The following BRD4 variants were observed in gnomAD, a reference collection of about 807,000 sequenced individuals.
The protein encoded by BRD4 is bromodomain containing 4, also known as bromodomain-containing protein 4.
Under a neutral mutation model 142.1 loss-of-function variants are expected in BRD4, and 16 were observed. The ratio of observed to expected loss-of-function variants is 0.11; its 90% confidence interval spans 0.08 to 0.17. The LOEUF (loss-of-function observed/expected upper bound fraction) is 0.17, where lower values mean the gene tolerates loss of function less well. Among genes scored for constraint, BRD4 ranks in the 10% least tolerant of loss-of-function variants. The probability of loss-of-function intolerance (pLI) is 1.00; values close to 1 mark genes in which losing one functional copy is unlikely to be tolerated. For missense variants in BRD4, 1,424 were observed against 1,810.9 expected (o/e 0.79, Z 3.88); for synonymous variants, 833 against 707.5 (o/e 1.18, Z -2.82).
In BRD4 at chr19:15,239,281, T is replaced by A; in HGVS notation, c.3577-17A>T. ...TTTCAGGTCCTGCAGAACAGAGAGG[T>A]TGGGGTGGGTGAGGGGTCTGCTGTG... is the stretch of plus-strand genomic sequence containing the variant. On this transcript the variant is annotated splice_polypyrimidine_tract_variant and intron_variant, in intron 17 of 19. Transcript: ENST00000679869. The surrounding 1 kb of genome is among the most constrained non-coding windows in gnomAD (Gnocchi z 7.4). 6.2e-7 allele frequency: 1 copy of A among 1,612,862 alleles called. No individual in the cohort carries two copies. Among genetic ancestry groups the A allele is most frequent in the Non-Finnish European group, 8.5e-7 (1 of 1,179,380 alleles).
intron 1 of BRD4, among the ~76,000 whole-genome samples, chr19:15,281,423 G>A (rs2047703570): frequency 1.3e-5 from 2 of 152,204 alleles, no homozygotes; most frequent in African/African-American, 4.8e-5. Flanking sequence ...TTGCAGTCAG[G>A]AGGCCAGGAA....
chr19:15,323,178 TAAAAAAAAAAAAAA>T (rs1017018376), intron 1 of BRD4, among the ~76,000 whole-genome samples: 3 of 73,050 alleles, frequency 4.1e-5, no homozygotes, highest in African/African-American at 6.1e-5. Flanking sequence ...TCCATCTCTT[TAAAAAAAAAAAAAA>T]AAAAAAAAAA....
In BRD4 at chr19:15,239,807, G is replaced by A. The variant is rs2145502373; in HGVS notation, c.3297C>T (p.Ala1099=). 1 of 1,613,614 alleles carries A rather than the reference G, an allele frequency of 6.2e-7. No homozygotes were observed. The highest frequency in any genetic ancestry group is 8.5e-7 in the Non-Finnish European group (1 of 1,179,940). ...VQPKKQELRA[A]SVVQPQPLVV... is the part of the protein sequence containing the mutation. ...CGAGGGGCTGGGGCTGGACCACGGA[G>A]GCAGCACGCAGCTCCTGGGATGGCA... Residue 1099 remains alanine, a synonymous_variant, in exon 16 of 20, where the codon GCC becomes GCT. Transcript: ENST00000679869. The surrounding 1 kb of genome is among the most constrained non-coding windows in gnomAD (Gnocchi z 7.4).
At chr19:15,281,001 C>T (rs1038715163) in intron 1 of BRD4, among the ~76,000 whole-genome samples, 1 of 152,262 alleles carries the variant, frequency 6.6e-6, no homozygotes, top group African/African-American at 2.4e-5. Context: ...AGAGTGGCAT[C>T]TACTTCAAAT....
chr19:15,323,973 GAT>G (rs1191351962), intron 1 of BRD4, among the ~76,000 whole-genome samples: 1 of 152,202 alleles, frequency 6.6e-6, no homozygotes, highest in East Asian at 1.9e-4. Context: ...CAGGCACACT[GAT>G]CCCATTTTAC....
At chr19:15,281,288 C>T (rs370359671) in intron 1 of BRD4, among the ~76,000 whole-genome samples, 1 of 152,206 alleles carries the variant, frequency 6.6e-6, no homozygotes, top group Non-Finnish European at 1.5e-5. Context: ...TACCCCAGAC[C>T]CTGCAACTTG....
intron 1 of BRD4, among the ~76,000 whole-genome samples, chr19:15,297,698 C>T (rs1273770583): frequency 1.3e-5 from 2 of 152,202 alleles, no homozygotes; most frequent in Non-Finnish European, 2.9e-5. Flanking sequence ...GATGCCCCAC[C>T]TGCTGGCAAA....
chr19:15,310,372 CCCCCCCCCG>C (rs2047958474), intron 1 of BRD4, among the ~76,000 whole-genome samples: 2 of 53,972 alleles, frequency 3.7e-5, no homozygotes, highest in Admixed American at 2.7e-4. Context: ...CCCCCCCCCC[CCCCCCCCCG>C]AAGGAGTCTC....
intron 1 of BRD4, among the ~76,000 whole-genome samples, chr19:15,305,841 A>G (rs2047909385): frequency 6.6e-6 from 1 of 152,262 alleles, no homozygotes; most frequent in Non-Finnish European, 1.5e-5. Context: ...TGTTTACTGT[A>G]GCCACCTTTA....
chr19:15,299,869 A>T (rs1208142612), intron 1 of BRD4, among the ~76,000 whole-genome samples: 1 of 152,128 alleles, frequency 6.6e-6, no homozygotes, highest in Non-Finnish European at 1.5e-5. Flanking sequence ...GGAAAACACG[A>T]CTTAATTGCT....
intron 1 of BRD4, among the ~76,000 whole-genome samples, chr19:15,327,471 G>C (rs1016750704): frequency 6.6e-6 from 1 of 152,282 alleles, no homozygotes; most frequent in East Asian, 1.9e-4. Flanking sequence ...TTGAACCCGG[G>C]GGGTGGAGGC....
At chr19:15,259,207 G>T (rs2047443689) in intron 7 of BRD4, among the ~76,000 whole-genome samples, 1 of 152,238 alleles carries the variant, frequency 6.6e-6, no homozygotes, top group Admixed American at 6.5e-5. Context: ...CAAGCAGCAG[G>T]AAGCAGGTTA....
chr19:15,296,610 T>C (rs544610324), intron 1 of BRD4, among the ~76,000 whole-genome samples: 1 of 152,270 alleles, frequency 6.6e-6, no homozygotes, highest in Non-Finnish European at 1.5e-5. Context: ...GAGTAAACTA[T>C]GGCCGCTGAA....
chr19:15,263,685 G>T (rs1444691580), intron 6 of BRD4, 137 bp from the exon 7 acceptor site: 8 of 1,097,972 alleles, frequency 7.3e-6, no homozygotes, highest in African/African-American at 1.6e-5. Flanking sequence ...TCTAGTGGGG[G>T]GACAGGCCAT....
intron 11 of BRD4, chr19:15,247,756 T>C (rs916672928): frequency 1.7e-5 from 4 of 232,866 alleles, no homozygotes; most frequent in Non-Finnish European, 3.4e-5. Flanking sequence ...CAGGAACACA[T>C]CAGGCGCAGG....
chr19:15,274,565 G>C, intron 1 of BRD4, among the ~76,000 whole-genome samples: 2 of 152,348 alleles, frequency 1.3e-5, no homozygotes, highest in Middle Eastern at 6.8e-3. Flanking sequence ...GCAGGGGCAG[G>C]AGCAGCCCAG....
chr19:15,249,344 T>C (rs1436068916), intron 11 of BRD4: 1 of 1,613,568 alleles, frequency 6.2e-7, no homozygotes, highest in East Asian at 2.2e-5. Flanking sequence ...GAATGTACCA[T>C]TTAAGTCACA....
intron 1 of BRD4, among the ~76,000 whole-genome samples, chr19:15,318,483 T>G (rs1021788945): frequency 6.6e-6 from 1 of 152,224 alleles, no homozygotes; most frequent in African/African-American, 2.4e-5. Context: ...CTGCTTGGTG[T>G]AGCATGTCGA....
At chr19:15,249,337 T>C (rs1403567279) in intron 11 of BRD4, 8 of 1,613,644 alleles carry the variant, frequency 5.0e-6, no homozygotes, top group Middle Eastern at 1.6e-4. Flanking sequence ...TGGTGTGGAA[T>C]GTACCATTTA....
Sources: gnomAD v4.1 joint callset for allele counts (sites outside exome capture counted in the v4.1 genomes callset) on GRCh38, gnomAD v4.1.1 for gene constraint, Gnocchi (gnomAD v3.1) non-coding constraint, MANE v1.5 for transcripts, NCBI Gene and HGNC (gene_info 2026-07-23, HGNC 2026-07-21) for gene names.